The following PCDHGA5 variants were observed in gnomAD, a reference collection of about 807,000 sequenced individuals.
PCDHGA5 encodes the protein protocadherin gamma-A5.
PCDHGA5 carries 36 observed loss-of-function variants against 56.7 expected under a neutral mutation model. That is an observed-to-expected ratio of 0.64 (90% CI 0.49 to 0.84). The LOEUF (loss-of-function observed/expected upper bound fraction) is 0.84. Among genes scored for constraint, PCDHGA5 ranks in the 40% least tolerant of loss-of-function variants. The pLI, the probability that PCDHGA5 is intolerant of heterozygous loss-of-function variation, is 0.00. For missense variants in PCDHGA5, 1,305 were observed against 1,201.5 expected (o/e 1.09, Z -1.27); for synonymous variants, 563 against 520.2 (o/e 1.08, Z -1.12).
intron 1 of PCDHGA5, chr5:141,478,282 G>A: frequency 6.2e-7 from 1 of 1,614,184 alleles, no homozygotes; most frequent in Non-Finnish European, 8.5e-7. Flanking sequence ...AGTGGAAGCA[G>A]TCTAGAGACC....
intron 1 of PCDHGA5, chr5:141,403,422 C>G: frequency 6.2e-7 from 1 of 1,614,030 alleles, no homozygotes; most frequent in Non-Finnish European, 8.5e-7. Flanking sequence ...CTTCCAGAAG[C>G]TATTGATCCG....
In PCDHGA5 at chr5:141,463,438, C is replaced by CTTT. The variant is rs71576115; in HGVS notation, c.2422-31343_2422-31341dup. ...GTTTGCGGATCCTCATTTCCTTCTC[C>CTTT]TTTTTTTTTTTTTTTTTTTTTTTTT... On this transcript the variant is annotated intron_variant, in intron 1 of 3. Coordinates refer to ENST00000518069, the MANE Select transcript of PCDHGA5 (RefSeq NM_018918.3). 5.0e-3 allele frequency among the ~76,000 whole-genome samples: 517 copies of CTTT among 103,248 alleles called. 61 individuals are homozygous for CTTT. The highest frequency in any genetic ancestry group is 0.017 in the African/African-American group (381 of 22,398). The allele number at this position is 103,248 out of a possible 152,430, so 67.7% of individuals were successfully genotyped here.
chr5:141,434,667 G>T (rs1464226862), intron 1 of PCDHGA5, among the ~76,000 whole-genome samples: 3 of 152,074 alleles, frequency 2.0e-5, no homozygotes, highest in East Asian at 3.9e-4. Context: ...CTATAGAAAT[G>T]ATGCTAATGA....
At chr5:141,406,072 CTT>C (rs530474569) in intron 1 of PCDHGA5, among the ~76,000 whole-genome samples, 69 of 141,430 alleles carry the variant, frequency 4.9e-4, no homozygotes, top group African/African-American at 9.6e-4. Flanking sequence ...ATTCTTACTC[CTT>C]TTTTTTTTTT....
At chr5:141,404,233 AG>A (rs2094501302) in intron 1 of PCDHGA5, 1 of 1,613,628 alleles carries the variant, frequency 6.2e-7, no homozygotes, top group African/African-American at 1.3e-5. Flanking sequence ...CAACAGACAG[AG>A]GAACTCCGCC....
chr5:141,478,026 C>T (rs1192406949), intron 1 of PCDHGA5: 2 of 1,614,062 alleles, frequency 1.2e-6, no homozygotes, highest in East Asian at 2.2e-5. Flanking sequence ...GTCCAAGACA[C>T]AGATTCACCC....
Position 141,487,904 on chromosome 5 carries a change from G to A in PCDHGA5, c.2422-6903G>A, listed in dbSNP as rs1229814755. On this transcript the variant is annotated intron_variant, in intron 1 of 3. Coordinates refer to ENST00000518069, the MANE Select transcript of PCDHGA5 (RefSeq NM_018918.3). The surrounding 1 kb of genome is among the most constrained non-coding windows in gnomAD (Gnocchi z 5.0). ...TGTGGAAGCATGATGATGGAATGTG[G>A]GAGCACAGGAGGCTACAGTGCACAG... 8.8e-6 allele frequency: 6 copies of A among 685,686 alleles called. No individual in the cohort carries two copies. The highest frequency in any genetic ancestry group is 1.5e-5 in the Non-Finnish European group (6 of 410,118). 42.5% of individuals were successfully genotyped at this position (685,686 alleles called of 1,614,324 possible). A position where few individuals can be genotyped will look rare whatever the true frequency, so the allele number is the denominator to read the frequency against.
intron 1 of PCDHGA5, chr5:141,413,899 A>G: frequency 1.2e-6 from 2 of 1,613,286 alleles, no homozygotes; most frequent in Non-Finnish European, 1.7e-6. Context: ...TGCAAATGAC[A>G]ACGCGCCGGT....
Position 141,489,101 on chromosome 5 carries a change from T to C in PCDHGA5, c.2422-5706T>C. The C allele has an allele frequency of 2.5e-6, 1 of 398,412 alleles. No homozygotes were observed. The highest frequency in any genetic ancestry group is 4.3e-5 in the South Asian group (1 of 23,096). The allele number at this position is 398,412 out of a possible 1,614,324, so 24.7% of individuals were successfully genotyped here. A position where few individuals can be genotyped will look rare whatever the true frequency, so the allele number is the denominator to read the frequency against. ...CCGCCACTCGGTGACTAAGAACTGC[T>C]GCAAGCAGGCAAACCTCCGAGCAGT... On this transcript the variant is annotated intron_variant, in intron 1 of 3. Coordinates refer to ENST00000518069, the MANE Select transcript of PCDHGA5 (RefSeq NM_018918.3). The surrounding 1 kb of genome is among the most constrained non-coding windows in gnomAD (Gnocchi z 4.5).
At chr5:141,437,016 T>G (rs1025489534) in intron 1 of PCDHGA5, among the ~76,000 whole-genome samples, 1 of 152,254 alleles carries the variant, frequency 6.6e-6, no homozygotes, top group Non-Finnish European at 1.5e-5. Flanking sequence ...TTAGATAATT[T>G]CACCAGAAAA....
intron 1 of PCDHGA5, chr5:141,410,564 T>C: frequency 6.2e-7 from 1 of 1,612,612 alleles, no homozygotes; most frequent in Non-Finnish European, 8.5e-7. Context: ...TCCTGGAGCC[T>C]TAATTCCACC....
chr5:141,383,316 T>C (rs1779018146), intron 1 of PCDHGA5: 3 of 1,613,880 alleles, frequency 1.9e-6, no homozygotes, highest in Non-Finnish European at 1.7e-6. Context: ...AAGAAATAAA[T>C]GTAAAAATAA....
intron 1 of PCDHGA5, chr5:141,410,203 C>T: frequency 1.9e-6 from 3 of 1,614,022 alleles, no homozygotes; most frequent in Non-Finnish European, 2.5e-6. Flanking sequence ...TCGCAGACAA[C>T]TTGCAAGAGA....
chr5:141,422,719 CA>C (rs2096667277), intron 1 of PCDHGA5: 1 of 1,604,786 alleles, frequency 6.2e-7, no homozygotes, highest in Admixed American at 1.7e-5. Flanking sequence ...TGACACTGTC[CA>C]GGGGGTGCCT....
At chr5:141,498,971 GGGAAGGAAGGAAGGAAGGAA>G (rs201769957) in intron 2 of PCDHGA5, among the ~76,000 whole-genome samples, 1,566 of 111,048 alleles carry the variant, frequency 0.014, 32 homozygotes, top group African/African-American at 0.048. Flanking sequence ...GAGGGAGGGA[GGGAAGGAAGGAAGGAAGGAA>G]GGAAGGAAGG....
Position 141,400,379 on chromosome 5 carries a change from G to C in PCDHGA5, c.2421+33628G>C, listed in dbSNP as rs759135733. 3 of 1,613,922 alleles carry C rather than the reference G, an allele frequency of 1.9e-6. No homozygotes were observed. The East Asian group carries it at 6.7e-5, about 36-fold the overall frequency. ...ACTTTGCCTTATTCCTACAACCTAT[G>C]TGTTGCACATACAGGAAAGACGGAG... On this transcript the variant is annotated intron_variant, in intron 1 of 3. Coordinates refer to ENST00000518069, the MANE Select transcript of PCDHGA5 (RefSeq NM_018918.3).
intron 1 of PCDHGA5, chr5:141,385,038 G>C (rs377185831): frequency 4.3e-6 from 7 of 1,614,138 alleles, no homozygotes; most frequent in Non-Finnish European, 5.9e-6. Flanking sequence ...TACTGCTGGC[G>C]CTCAGGCTGC....
chr5:141,480,241 A>C (rs895691864), intron 1 of PCDHGA5, among the ~76,000 whole-genome samples: 58 of 97,306 alleles, frequency 6.0e-4, no homozygotes, highest in African/African-American at 2.2e-3. Context: ...CTGTCTCTAC[A>C]AAAAAAAAAA....
At chr5:141,392,242 G>T (rs1294476832) in intron 1 of PCDHGA5, 1 of 152,134 alleles carries the variant, frequency 6.6e-6, no homozygotes, top group Non-Finnish European at 1.5e-5. Context: ...TTAGTTATTT[G>T]TTAGTATATA....
Sources: gnomAD v4.1 joint callset for allele counts (sites outside exome capture counted in the v4.1 genomes callset) on GRCh38, gnomAD v4.1.1 for gene constraint, Gnocchi (gnomAD v3.1) non-coding constraint, MANE v1.5 for transcripts, NCBI Gene and HGNC (gene_info 2026-07-23, HGNC 2026-07-21) for gene names.